The following NRIP1 variants were observed in gnomAD, a reference collection of about 807,000 sequenced individuals.
The protein encoded by NRIP1 is nuclear receptor interacting protein 1.
In NRIP1, 28 loss-of-function variants were observed where a neutral mutation model predicts 75.0. The ratio of observed to expected loss-of-function variants is 0.37; its 90% CI spans 0.28 to 0.51. The LOEUF is 0.51. Ranked by LOEUF, NRIP1 falls within the 20% of genes least tolerant of loss-of-function variation. NRIP1 has a pLI of 0.92. For synonymous variants in NRIP1, 526 were observed against 487.6 expected (o/e 1.08, Z -1.04); for missense variants, 1,435 against 1,343.7 (o/e 1.07, Z -1.06).
intron 1 of NRIP1, chr21:15,050,986 A>G (rs1292928494): frequency 2.3e-6 from 1 of 441,070 alleles, no homozygotes. Context: ...TAGTAGTAGT[A>G]GCAGTAGCAT....
chr21:14,982,721 T>G (rs200172000), intron 3 of NRIP1, among the ~76,000 whole-genome samples: 3 of 15,320 alleles, frequency 2.0e-4, no homozygotes, highest in East Asian at 6.8e-3. Context: ...TTTTTTTTGT[T>G]TTTTTTTTTT....
chr21:14,992,915 C>A (rs2087614157), intron 3 of NRIP1: 1 of 152,864 alleles, frequency 6.5e-6, no homozygotes, highest in African/African-American at 2.4e-5. Context: ...ATCTAAATAT[C>A]AGAACAACTA....
chr21:15,003,013 C>CATAATTAT (rs1462016317), intron 3 of NRIP1, among the ~76,000 whole-genome samples: 4 of 151,990 alleles, frequency 2.6e-5, no homozygotes, highest in African/African-American at 7.2e-5. Flanking sequence ...TATGGCATCA[C>CATAATTAT]GGTGGTATGG....
intron 2 of NRIP1, among the ~76,000 whole-genome samples, chr21:15,033,506 T>G (rs544556549): frequency 6.6e-6 from 1 of 152,272 alleles, no homozygotes; most frequent in South Asian, 2.1e-4. Flanking sequence ...TAAACACTAC[T>G]TTGGCTGAAA....
rs2086600623 is a variant in NRIP1 at position 14,961,995 on chromosome 21, A to AATATATATATATATACATATTATATAT, written c.*2694_*2720dup. On this transcript the variant is annotated 3_prime_UTR_variant, in exon 4 of 4. Transcript: ENST00000318948. ...TTTTAACATCTTCATGTAACAAGTC[A>AATATATATATATATACATATTATATAT]ATATATATATATATACATATTATAT... 1 of 122,928 alleles carries AATATATATATATATACATATTATATAT rather than the reference A, an allele frequency of 8.1e-6. No homozygotes were observed. Among genetic ancestry groups the AATATATATATATATACATATTATATAT allele is most frequent in the Non-Finnish European group, 1.6e-5 (1 of 61,426 alleles). 7.6% of individuals were successfully genotyped at this position (122,928 alleles called of 1,614,324 possible). A position where few individuals can be genotyped will look rare whatever the true frequency, so the allele number is the denominator to read the frequency against.
intron 2 of NRIP1, among the ~76,000 whole-genome samples, chr21:15,017,488 G>T (rs1343524811): frequency 1.3e-5 from 2 of 152,116 alleles, no homozygotes; most frequent in Non-Finnish European, 2.9e-5. Flanking sequence ...AGTTTAATGA[G>T]CAATTACTAT....
intron 3 of NRIP1, chr21:14,971,425 A>G (rs1342210798): frequency 6.6e-6 from 1 of 152,198 alleles, no homozygotes; most frequent in Non-Finnish European, 1.5e-5. Context: ...GGTCATTCTA[A>G]ATATTCAATT....
At chr21:14,999,086 C>T (rs2087795509) in intron 3 of NRIP1, among the ~76,000 whole-genome samples, 1 of 152,096 alleles carries the variant, frequency 6.6e-6, no homozygotes, top group South Asian at 2.1e-4. Flanking sequence ...CTCCCCATAA[C>T]CTTGAACTCT....
intron 3 of NRIP1, among the ~76,000 whole-genome samples, chr21:14,995,890 T>G (rs972345263): frequency 6.6e-6 from 1 of 152,180 alleles, no homozygotes; most frequent in African/African-American, 2.4e-5. Context: ...AAACTCATAA[T>G]AGTTTCTATT....
intron 2 of NRIP1, among the ~76,000 whole-genome samples, chr21:15,022,933 T>C (rs538758826): frequency 6.6e-6 from 1 of 152,372 alleles, no homozygotes; most frequent in South Asian, 2.1e-4. Context: ...TGCTACAACA[T>C]AGTCAAACTT....
At chr21:15,034,708 T>C (rs2088793401) in intron 2 of NRIP1, among the ~76,000 whole-genome samples, 1 of 152,142 alleles carries the variant, frequency 6.6e-6, no homozygotes, top group African/African-American at 2.4e-5. Context: ...GGTCAGTAGG[T>C]GGCAGATGTT....
At chr21:15,036,797 C>T (rs2088843732) in intron 2 of NRIP1, among the ~76,000 whole-genome samples, 1 of 152,050 alleles carries the variant, frequency 6.6e-6, no homozygotes, top group African/African-American at 2.4e-5. Flanking sequence ...TTGGGTTTAT[C>T]TTGAAGAAAT....
At chr21:14,975,387 C>T (rs1344917779) in intron 3 of NRIP1, among the ~76,000 whole-genome samples, 2 of 151,984 alleles carry the variant, frequency 1.3e-5, no homozygotes, top group Admixed American at 6.6e-5. Context: ...ACTATAAAGA[C>T]AGTGTCTCCA....
At chr21:15,034,930 C>T (rs1055367503) in intron 2 of NRIP1, among the ~76,000 whole-genome samples, 3 of 152,214 alleles carry the variant, frequency 2.0e-5, no homozygotes, top group African/African-American at 7.2e-5. Flanking sequence ...ACAATATTGT[C>T]CATAACACAT....
chr21:15,062,925 G>A (rs187382105), intron 1 of NRIP1, among the ~76,000 whole-genome samples: 148 of 152,270 alleles, frequency 9.7e-4, no homozygotes, highest in African/African-American at 3.5e-3. Context: ...GCATGTAAAA[G>A]AGGCATTAAA....
intron 2 of NRIP1, among the ~76,000 whole-genome samples, chr21:15,023,257 C>T (rs2088424074): frequency 6.6e-6 from 1 of 152,104 alleles, no homozygotes; most frequent in Non-Finnish European, 1.5e-5. Flanking sequence ...GACTATTCAC[C>T]TAATACTTAT....
intron 2 of NRIP1, among the ~76,000 whole-genome samples, chr21:15,029,726 A>G (rs2088599262): frequency 6.6e-6 from 1 of 152,098 alleles, no homozygotes; most frequent in Admixed American, 6.5e-5. Flanking sequence ...CTGAGGCAGG[A>G]GATTGCTTGA....
chr21:14,973,515 A>C (rs984858413), intron 3 of NRIP1, among the ~76,000 whole-genome samples: 2 of 152,192 alleles, frequency 1.3e-5, no homozygotes, highest in African/African-American at 4.8e-5. Flanking sequence ...TAACTCAGTG[A>C]TGTTTGTTTC....
intron 2 of NRIP1, among the ~76,000 whole-genome samples, chr21:15,024,703 C>T (rs28615289): frequency 0.11 from 17,337 of 151,712 alleles, 1,856 homozygotes; most frequent in African/African-American, 0.28. Context: ...AGGTTGGTGT[C>T]ACTGTGGAGT....
Sources: gnomAD v4.1 joint callset for allele counts (sites outside exome capture counted in the v4.1 genomes callset) on GRCh38, gnomAD v4.1.1 for gene constraint, MANE v1.5 for transcripts, NCBI Gene and HGNC (gene_info 2026-07-23, HGNC 2026-07-21) for gene names.